The following TAFA2 variants were observed in gnomAD, a reference collection of about 807,000 sequenced individuals.
The protein encoded by TAFA2 is chemokine-like protein TAFA-2.
Under a neutral mutation model 18.8 loss-of-function variants are expected in TAFA2, and 7 were observed. The ratio of observed to expected loss-of-function variants is 0.37; its 90% confidence interval spans 0.21 to 0.70. The LOEUF is 0.70. Among genes scored for constraint, TAFA2 ranks in the 30% least tolerant of loss-of-function variants. The pLI, the probability that TAFA2 is intolerant of heterozygous loss-of-function variation, is 0.53. For missense variants in TAFA2, 122 were observed against 158.1 expected, an observed-to-expected ratio of 0.77 and a Z score of 1.23; for synonymous variants, 60 against 54.2, an observed-to-expected ratio of 1.11 and a Z score of -0.47.
intron 2 of TAFA2, among the ~76,000 whole-genome samples, chr12:61,779,912 T>A (rs1266270494): frequency 6.6e-6 from 1 of 151,840 alleles, no homozygotes; most frequent in South Asian, 2.1e-4. Context: ...TAATCCCCAA[T>A]ATAATATCTC....
At chr12:62,145,310 G>A (rs1592363792) in intron 1 of TAFA2, among the ~76,000 whole-genome samples, 1 of 152,318 alleles carries the variant, frequency 6.6e-6, no homozygotes, top group Admixed American at 6.5e-5. Flanking sequence ...GTCAGTTGGC[G>A]GTGGCCTCAG....
intron 1 of TAFA2, among the ~76,000 whole-genome samples, chr12:62,230,246 A>C (rs1379606858): frequency 6.6e-6 from 1 of 150,980 alleles, no homozygotes; most frequent in Non-Finnish European, 1.5e-5. Context: ...TCATTCTACT[A>C]ATTTTTAGTT....
intron 1 of TAFA2, among the ~76,000 whole-genome samples, chr12:62,004,385 T>A (rs1351575037): frequency 6.6e-6 from 1 of 152,140 alleles, no homozygotes; most frequent in African/African-American, 2.4e-5. Context: ...TTTCAACTCA[T>A]TTAAATGAAA....
At chr12:61,821,428 G>A (rs563016645) in intron 2 of TAFA2, among the ~76,000 whole-genome samples, 1 of 152,108 alleles carries the variant, frequency 6.6e-6, no homozygotes, top group South Asian at 2.1e-4. Context: ...CTAAGTAGGA[G>A]TTTTCATCTT....
chr12:61,715,403 C>A (rs1267738874), intron 4 of TAFA2, among the ~76,000 whole-genome samples: 1 of 151,728 alleles, frequency 6.6e-6, no homozygotes, highest in Non-Finnish European at 1.5e-5. Flanking sequence ...GGCTGGAGTG[C>A]AGTAGTGCTA....
chr12:61,820,262 G>A (rs913412714), intron 2 of TAFA2, among the ~76,000 whole-genome samples: 4 of 149,946 alleles, frequency 2.7e-5, no homozygotes, highest in African/African-American at 7.3e-5. Flanking sequence ...GGAAGGGAGA[G>A]GTAGTTGAAA....
At chr12:61,845,148 T>A (rs1873349261) in intron 2 of TAFA2, among the ~76,000 whole-genome samples, 1 of 152,056 alleles carries the variant, frequency 6.6e-6, no homozygotes, top group Non-Finnish European at 1.5e-5. Flanking sequence ...CCAAGGCAAT[T>A]AGTTGAGTTG....
chr12:62,128,029 A>G (rs1162000763), intron 1 of TAFA2, among the ~76,000 whole-genome samples: 1 of 152,012 alleles, frequency 6.6e-6, no homozygotes, highest in Admixed American at 6.6e-5. Context: ...GGCAAGAAAA[A>G]AAATGGGTAG....
At chr12:61,971,970 C>A (rs1879264564) in intron 1 of TAFA2, among the ~76,000 whole-genome samples, 1 of 151,742 alleles carries the variant, frequency 6.6e-6, no homozygotes, top group African/African-American at 2.4e-5. Context: ...ATCTAAACAG[C>A]CATTGTAAAT....
intron 1 of TAFA2, chr12:61,880,132 C>T (rs565520057): frequency 3.6e-5 from 21 of 591,282 alleles, no homozygotes; most frequent in South Asian, 1.5e-4. Context: ...ATAAGGAGAT[C>T]GCCAACTGCA....
chr12:62,034,811 A>G (rs1881555778), intron 1 of TAFA2, among the ~76,000 whole-genome samples: 1 of 152,208 alleles, frequency 6.6e-6, no homozygotes, highest in Non-Finnish European at 1.5e-5. Flanking sequence ...CAGCATCAAT[A>G]TAATTTTAAA....
At chr12:61,845,042 G>T (rs1190144259) in intron 2 of TAFA2, among the ~76,000 whole-genome samples, 1 of 152,062 alleles carries the variant, frequency 6.6e-6, no homozygotes, top group Admixed American at 6.6e-5. Context: ...GCTTGAACTG[G>T]TAACTGTGGG....
intron 1 of TAFA2, among the ~76,000 whole-genome samples, chr12:61,993,856 G>A (rs1400807257): frequency 6.6e-6 from 1 of 151,950 alleles, no homozygotes; most frequent in Non-Finnish European, 1.5e-5. Flanking sequence ...CCTCCAAAAG[G>A]CAGATGAAAG....
chr12:61,840,737 T>C (rs565113911), intron 2 of TAFA2, among the ~76,000 whole-genome samples: 1 of 152,156 alleles, frequency 6.6e-6, no homozygotes, highest in African/African-American at 2.4e-5. Flanking sequence ...AAAACAATGG[T>C]CTGCTGCTTT....
chr12:61,878,172 T>A (rs1401903864), intron 1 of TAFA2: 1 of 446,372 alleles, frequency 2.2e-6, no homozygotes, highest in African/African-American at 2.0e-5. Context: ...GAGTTACTAT[T>A]TAATGAATAT....
intron 1 of TAFA2, among the ~76,000 whole-genome samples, chr12:62,150,740 C>A (rs1279993586): frequency 2.0e-5 from 3 of 151,620 alleles, no homozygotes; most frequent in Non-Finnish European, 4.4e-5. Context: ...CCATCTCTAC[C>A]AAAAAAATAC....
In TAFA2 at chr12:61,733,116, G is replaced by GTTGTTTGTT. The variant is rs564476420; in HGVS notation, c.384+20497_384+20505dup. ...TGTCCTTCGCCCACTTTTTGATGGG[G>GTTGTTTGTT]TTGTTTGTTTTTTTCTTGTAAATGT... is the stretch of plus-strand genomic sequence containing the variant. On this transcript the variant is annotated intron_variant, in intron 4 of 4. Transcript: ENST00000416284. 5.8e-3 allele frequency among the ~76,000 whole-genome samples: 885 copies of GTTGTTTGTT among 151,756 alleles called. 8 individuals carry two copies. The highest frequency in any genetic ancestry group is 7.5e-3 in the Non-Finnish European group (511 of 67,854).
At chr12:62,185,711 G>T (rs1482837185) in intron 1 of TAFA2, among the ~76,000 whole-genome samples, 4 of 152,102 alleles carry the variant, frequency 2.6e-5, no homozygotes, top group Non-Finnish European at 5.9e-5. Context: ...AAGTATAAAT[G>T]TTGTTTTTCT....
intron 1 of TAFA2, among the ~76,000 whole-genome samples, chr12:61,956,627 T>C (rs1878704227): frequency 2.1e-5 from 1 of 46,900 alleles, no homozygotes; most frequent in Middle Eastern, 0.013. Flanking sequence ...TTGTTTTGTT[T>C]TGTTAAAAAA....
Sources: gnomAD v4.1 joint callset for allele counts (sites outside exome capture counted in the v4.1 genomes callset) on GRCh38, gnomAD v4.1.1 for gene constraint, MANE v1.5 for transcripts, NCBI Gene and HGNC (gene_info 2026-07-23, HGNC 2026-07-21) for gene names.